Variants in CADM1 observed in about 807,000 individuals in gnomAD.
CADM1 encodes the protein TSLC-1.
Under a neutral mutation model 53.1 loss-of-function variants are expected in CADM1, and 15 were observed. The observed-to-expected ratio is 0.28, with a 90% CI of 0.19 to 0.44. The LOEUF (loss-of-function observed/expected upper bound fraction) is 0.44, where lower values mean the gene tolerates loss of function less well. Ranked by LOEUF, CADM1 falls within the 20% of genes least tolerant of loss-of-function variation. CADM1 has a pLI of 1.00. For missense variants in CADM1, 434 were observed against 611.3 expected (o/e 0.71, Z 3.06); for synonymous variants, 281 against 243.0 (o/e 1.16, Z -1.45).
intron 10 of CADM1, among the ~76,000 whole-genome samples, chr11:115,180,011 C>G (rs1004504528): frequency 1.3e-5 from 2 of 152,272 alleles, no homozygotes; most frequent in Middle Eastern, 6.8e-3. Flanking sequence ...CTCTGTCTCT[C>G]TCCAAAGAAC....
At chr11:115,292,168 C>T (rs903276587) in intron 1 of CADM1, among the ~76,000 whole-genome samples, 2 of 152,138 alleles carry the variant, frequency 1.3e-5, no homozygotes, top group African/African-American at 4.8e-5. Flanking sequence ...CAACCTTGTT[C>T]AAGTCTAAAG....
intron 1 of CADM1, among the ~76,000 whole-genome samples, chr11:115,429,429 C>A (rs1947981669): frequency 6.6e-6 from 1 of 151,856 alleles, no homozygotes; most frequent in Non-Finnish European, 1.5e-5. Flanking sequence ...CAGTGAAACC[C>A]CATTTCTACT....
At chr11:115,191,211 A>G (rs1832256989) in intron 9 of CADM1, among the ~76,000 whole-genome samples, 1 of 152,254 alleles carries the variant, frequency 6.6e-6, no homozygotes, top group Admixed American at 6.5e-5. Context: ...CTCATTCGTA[A>G]CAGCATGCAA....
intron 1 of CADM1, among the ~76,000 whole-genome samples, chr11:115,308,063 T>C (rs993888483): frequency 2.6e-5 from 4 of 151,030 alleles, no homozygotes; most frequent in African/African-American, 7.3e-5. Context: ...AGAAAAAAAA[T>C]TTTTGCTCAA....
intron 1 of CADM1, among the ~76,000 whole-genome samples, chr11:115,498,486 C>G (rs894652157): frequency 6.6e-6 from 1 of 152,224 alleles, no homozygotes; most frequent in Non-Finnish European, 1.5e-5. Flanking sequence ...AATGGCCAGT[C>G]TCGCCAACGG....
chr11:115,403,781 G>A (rs997492027), intron 1 of CADM1, among the ~76,000 whole-genome samples: 9 of 151,562 alleles, frequency 5.9e-5, no homozygotes, highest in African/African-American at 2.2e-4. Flanking sequence ...ATTTTTAGTA[G>A]AGACAGGGTT....
chr11:115,349,603 T>C (rs12807464), intron 1 of CADM1, among the ~76,000 whole-genome samples: 49,030 of 152,060 alleles, frequency 0.32, 9,011 homozygotes, highest in Non-Finnish European at 0.43. Flanking sequence ...AGCACTTTCA[T>C]TCCGAAGCCA....
At chr11:115,467,677 C>T (rs1948924422) in intron 1 of CADM1, among the ~76,000 whole-genome samples, 1 of 152,186 alleles carries the variant, frequency 6.6e-6, no homozygotes, top group African/African-American at 2.4e-5. Context: ...ACCACTTAGG[C>T]TAAGACCATT....
chr11:115,369,623 T>C (rs916063939), intron 1 of CADM1, among the ~76,000 whole-genome samples: 2 of 152,186 alleles, frequency 1.3e-5, no homozygotes, highest in African/African-American at 2.4e-5. Flanking sequence ...TTTAAGGGCA[T>C]ATTGGCATCC....
intron 1 of CADM1, among the ~76,000 whole-genome samples, chr11:115,461,396 CTG>C (rs938858527): frequency 6.6e-5 from 10 of 152,244 alleles, no homozygotes; most frequent in African/African-American, 2.4e-4. Context: ...AAACTGCAAA[CTG>C]TGGAGAATCG....
intron 1 of CADM1, among the ~76,000 whole-genome samples, chr11:115,308,194 G>A (rs2040454): frequency 0.54 from 66,713 of 123,016 alleles, 17,310 homozygotes; most frequent in East Asian, 0.81. Flanking sequence ...TCATAGGTGT[G>A]TATATATATA....
intron 1 of CADM1, among the ~76,000 whole-genome samples, chr11:115,446,991 A>G (rs955261335): frequency 2.6e-5 from 4 of 152,188 alleles, no homozygotes; most frequent in African/African-American, 9.7e-5. Flanking sequence ...GCTAGAAAAA[A>G]AGAGGTTTCA....
At chr11:115,303,689 C>T (rs149069856) in intron 1 of CADM1, among the ~76,000 whole-genome samples, 125 of 152,180 alleles carry the variant, frequency 8.2e-4, no homozygotes, top group African/African-American at 2.8e-3. Flanking sequence ...CCCAAATCTA[C>T]TCTTTCCTCG....
At chr11:115,329,555 C>A (rs771126402) in intron 1 of CADM1, among the ~76,000 whole-genome samples, 1 of 152,184 alleles carries the variant, frequency 6.6e-6, no homozygotes, top group East Asian at 1.9e-4. Flanking sequence ...CCGGGGAGAG[C>A]ACTTTTGGGA....
At chr11:115,180,137 G>A (rs1343460250) in intron 10 of CADM1, among the ~76,000 whole-genome samples, 2 of 152,096 alleles carry the variant, frequency 1.3e-5, no homozygotes, top group African/African-American at 2.4e-5. Flanking sequence ...CTGATACAAC[G>A]CTTTCAGCAG....
At chr11:115,177,630 G>T (rs1007493179) in intron 11 of CADM1, among the ~76,000 whole-genome samples, 1 of 151,918 alleles carries the variant, frequency 6.6e-6, no homozygotes. Flanking sequence ...CACAGCTGCT[G>T]CTCGGATGCT....
At chr11:115,493,420 T>C (rs1949543417) in intron 1 of CADM1, among the ~76,000 whole-genome samples, 1 of 152,018 alleles carries the variant, frequency 6.6e-6, no homozygotes, top group Admixed American at 6.5e-5. Context: ...TCAGACAAGG[T>C]TTACCAATGC....
At chr11:115,424,717 G>T (rs939892027) in intron 1 of CADM1, among the ~76,000 whole-genome samples, 1 of 151,940 alleles carries the variant, frequency 6.6e-6, no homozygotes, top group Non-Finnish European at 1.5e-5. Flanking sequence ...GTAGAGAGGG[G>T]GTTTCGACAT....
chr11:115,260,937 G>C (rs1942956101), intron 1 of CADM1, among the ~76,000 whole-genome samples: 1 of 152,104 alleles, frequency 6.6e-6, no homozygotes, highest in African/African-American at 2.4e-5. Context: ...GCCTCCCAAA[G>C]TGCTGGGATT....
Sources: gnomAD v4.1 joint callset for allele counts (sites outside exome capture counted in the v4.1 genomes callset) on GRCh38, gnomAD v4.1.1 for gene constraint, MANE v1.5 for transcripts, NCBI Gene and HGNC (gene_info 2026-07-23, HGNC 2026-07-21) for gene names.